Variants in SNX16 observed in about 807,000 individuals in gnomAD.
SNX16 encodes the protein sorting nexin-16.
Under a neutral mutation model 36.7 loss-of-function variants are expected in SNX16, and 35 were observed. That is an observed-to-expected ratio of 0.95 (90% CI 0.73 to 1.27). SNX16 has a LOEUF of 1.27. SNX16 is among the 50% of genes most tolerant of loss of function. The pLI is 0.00. For synonymous variants in SNX16, 134 were observed against 132.0 expected, an observed-to-expected ratio of 1.02 and a Z score of -0.10; for missense variants, 367 against 393.6, an observed-to-expected ratio of 0.93 and a Z score of 0.57.
Position 81,801,597 on chromosome 8 carries a change from CAAA to C in SNX16, c.939-7_939-5del, listed in dbSNP as rs33964984. On this transcript the variant is annotated splice_region_variant and splice_polypyrimidine_tract_variant and intron_variant, in intron 7 of 7. Coordinates refer to ENST00000345957, the MANE Select transcript of SNX16 (RefSeq NM_152836.3). Reference sequence around the variant, plus strand: ...TAAGCATGGTTTATTATCAGCTCTGCAAAAAAAAAAAAAAAAGGAACATATCAA... The same window carrying C: ...TAAGCATGGTTTATTATCAGCTCTGCAAAAAAAAAAAAAGGAACATATCAA... 7.5e-3 allele frequency: 7,775 copies of C among 1,036,318 alleles called. No homozygotes were observed. Among genetic ancestry groups the C allele is most frequent in the South Asian group, 0.011 (580 of 51,500 alleles). The allele number at this position is 1,036,318 out of a possible 1,614,324, so 64.2% of individuals were successfully genotyped here. A position where few individuals can be genotyped will look rare whatever the true frequency, so the allele number is the denominator to read the frequency against.
intron 3 of SNX16, among the ~76,000 whole-genome samples, chr8:81,824,523 T>A (rs1407302080): frequency 2.0e-5 from 3 of 151,850 alleles, no homozygotes; most frequent in African/African-American, 7.3e-5. Context: ...TTTATGCTTT[T>A]TTTTAGATCA....
rs1811679999 is a variant in SNX16 at position 81,840,142 on chromosome 8, AAAAGT to A, written c.-96-65_-96-61del. On this transcript the variant is annotated intron_variant, in intron 1 of 7. Transcript: ENST00000345957. ...TTTAATGTGCAGCAGGATTCAAAAGAAAAGTATTCTTTTCAATTTTATGACACTAT... is the reference window on the plus strand; with the variant it reads ...TTTAATGTGCAGCAGGATTCAAAAGAATTCTTTTCAATTTTATGACACTAT... 17 of 804,902 alleles carry A rather than the reference AAAAGT, an allele frequency of 2.1e-5. No individual in the cohort carries two copies. In the South Asian group the frequency reaches 2.9e-4, roughly 14 times the overall value. 49.9% of individuals were successfully genotyped at this position (804,902 alleles called of 1,614,324 possible).
intron 5 of SNX16, chr8:81,815,055 T>G (rs1050444754): frequency 2.8e-5 from 5 of 177,570 alleles, no homozygotes; most frequent in Non-Finnish European, 5.9e-5. Context: ...CCCCAAATCA[T>G]TTTTTTTGAA....
chr8:81,831,157 G>T (rs1201991297), intron 2 of SNX16, among the ~76,000 whole-genome samples: 3 of 152,268 alleles, frequency 2.0e-5, no homozygotes, highest in Non-Finnish European at 4.4e-5. Flanking sequence ...CAAACTATAA[G>T]AGTCCCAGAA....
intron 2 of SNX16, among the ~76,000 whole-genome samples, chr8:81,830,553 G>A (rs1382208753): frequency 5.0e-5 from 7 of 139,768 alleles, no homozygotes; most frequent in African/African-American, 1.3e-4. Context: ...CCTGGGTGAC[G>A]ACAGAGCAAG....
In SNX16 at chr8:81,805,440, A is replaced by G. The variant is rs117095580; in HGVS notation, c.682-2212T>C. Among the ~76,000 whole-genome samples the G allele has an allele frequency of 2.6e-5, 4 of 152,308 alleles. No homozygotes were observed. The East Asian group carries it at 7.7e-4, about 29-fold the overall frequency. On this transcript the variant is annotated intron_variant, in intron 5 of 7. Coordinates refer to ENST00000345957, the MANE Select transcript of SNX16 (RefSeq NM_152836.3). Reference sequence around the variant, plus strand: ...CAAAGAACATACTAAAACCAAGTATAAGAAAGGAATTAAGAGACAGGAAAA... The same window carrying G: ...CAAAGAACATACTAAAACCAAGTATGAGAAAGGAATTAAGAGACAGGAAAA...
At chr8:81,801,620 T>C (rs1260335985) in intron 7 of SNX16, 27 bp from the exon 8 acceptor site, 2 of 1,254,452 alleles carry the variant, frequency 1.6e-6, no homozygotes, top group Non-Finnish European at 1.1e-6. Context: ...AAAAGGAACA[T>C]ATCAATGATG....
chr8:81,839,831 A>C lies in SNX16; in HGVS notation c.156T>G (p.Phe52Leu). ...GQLEDSNMGN[F>L]KQTSVPDQMD... ...TTTGATCAGGAACACTTGTCTGTTT[A>C]AAATTACCCATATTTGAGTCTTCTA... The change falls in exon 2 of 8, where the codon TTT (phenylalanine) becomes TTG (leucine). Residue 52 changes from phenylalanine (F) to leucine (L), a missense_variant. Transcript: ENST00000345957. 6.2e-7 allele frequency: 1 copy of C among 1,613,772 alleles called. No individual in the cohort carries two copies. Among genetic ancestry groups the C allele is most frequent in the Non-Finnish European group, 8.5e-7 (1 of 1,179,684 alleles).
chr8:81,807,455 G>A (rs1265857745), intron 5 of SNX16, among the ~76,000 whole-genome samples: 14 of 140,862 alleles, frequency 9.9e-5, no homozygotes, highest in Admixed American at 6.1e-4. Context: ...GGAGGCAGAC[G>A]TTGCAGTGAG....
At chr8:81,842,056 A>T (rs994536864) in intron 1 of SNX16, 66 bp downstream of exon 1, 1 of 151,916 alleles carries the variant, frequency 6.6e-6, no homozygotes, top group African/African-American at 2.4e-5. Context: ...TCAAGGTTGC[A>T]GGTGTCACCC....
intron 5 of SNX16, among the ~76,000 whole-genome samples, chr8:81,806,236 C>T (rs1809937969): frequency 6.6e-6 from 1 of 152,082 alleles, no homozygotes; most frequent in Admixed American, 6.5e-5. Context: ...CCAGACCCAA[C>T]AAAGGGCAGT....
chr8:81,823,452 T>C (rs2130707614), intron 4 of SNX16, among the ~76,000 whole-genome samples: 1 of 152,196 alleles, frequency 6.6e-6, no homozygotes, highest in Non-Finnish European at 1.5e-5. Context: ...CATAGTATCA[T>C]ATTAACCAAA....
intron 7 of SNX16, among the ~76,000 whole-genome samples, chr8:81,802,043 G>A (rs1373621023): frequency 6.6e-6 from 1 of 151,358 alleles, no homozygotes. Context: ...CTTTTTCAAT[G>A]GAAAAAGGGT....
At chr8:81,825,870 T>C (rs1333439727) in intron 3 of SNX16, among the ~76,000 whole-genome samples, 1 of 152,078 alleles carries the variant, frequency 6.6e-6, no homozygotes, top group African/African-American at 2.4e-5. Flanking sequence ...AAGATGTAAT[T>C]AGATATTTAT....
intron 2 of SNX16, among the ~76,000 whole-genome samples, chr8:81,831,715 A>T (rs1811278229): frequency 6.6e-6 from 1 of 151,240 alleles, no homozygotes; most frequent in African/African-American, 2.4e-5. Context: ...AAAAAAAAGG[A>T]ACTTAAACAA....
intron 5 of SNX16, among the ~76,000 whole-genome samples, chr8:81,806,741 T>C (rs182455845): frequency 5.9e-5 from 9 of 152,198 alleles, no homozygotes; most frequent in African/African-American, 2.2e-4. Context: ...ATTGTTAATA[T>C]TGCAGGGGAT....
At chr8:81,836,693 T>C (rs12674770) in intron 2 of SNX16, among the ~76,000 whole-genome samples, 37,262 of 152,118 alleles carry the variant, frequency 0.24, 5,173 homozygotes, top group East Asian at 0.37. Context: ...ACTACCATCA[T>C]GTTTCCCTTG....
chr8:81,832,817 T>C (rs1811327704), intron 2 of SNX16, among the ~76,000 whole-genome samples: 1 of 149,974 alleles, frequency 6.7e-6, no homozygotes, highest in African/African-American at 2.5e-5. Context: ...ATACGGTATT[T>C]TGCACTAAGC....
intron 6 of SNX16, among the ~76,000 whole-genome samples, chr8:81,802,818 T>C (rs906119092): frequency 2.0e-5 from 3 of 151,864 alleles, no homozygotes; most frequent in African/African-American, 7.2e-5. Flanking sequence ...TGATTATTTA[T>C]TTAATAATGA....
Sources: allele counts gnomAD v4.1 joint callset (sites outside exome capture counted in the v4.1 genomes callset), GRCh38; gene constraint gnomAD v4.1.1; transcripts MANE v1.5; gene names NCBI Gene and HGNC (gene_info 2026-07-23, HGNC 2026-07-21).